The following BRINP2 variants were observed in gnomAD, a reference collection of about 807,000 sequenced individuals.
The protein encoded by BRINP2 is BMP/retinoic acid inducible neural specific 2.
In BRINP2, 21 loss-of-function variants were observed where a neutral mutation model predicts 69.2. The ratio of observed to expected loss-of-function variants is 0.30; its 90% CI spans 0.22 to 0.44. The LOEUF is 0.44. Among genes scored for constraint, BRINP2 ranks in the 20% least tolerant of loss-of-function variants. BRINP2 has a pLI of 1.00. For synonymous variants in BRINP2, 380 were observed against 394.1 expected (o/e 0.96, Z 0.42); for missense variants, 877 against 986.0 (o/e 0.89, Z 1.48).
chr1:177,235,099 T>G (rs1161306928), intron 2 of BRINP2, among the ~76,000 whole-genome samples: 1 of 152,172 alleles, frequency 6.6e-6, no homozygotes, highest in African/African-American at 2.4e-5. Context: ...ATGCTCAAAG[T>G]GCAGTCTTTG....
intron 1 of BRINP2, among the ~76,000 whole-genome samples, chr1:177,175,271 AGACCATGGAAAAGCG>A (rs1648054510): frequency 6.7e-6 from 1 of 148,528 alleles, no homozygotes; most frequent in African/African-American, 2.6e-5. Context: ...ACTAAGGAGG[AGACCATGGAAAAGCG>A]GGGTGGGGGG....
intron 1 of BRINP2, among the ~76,000 whole-genome samples, chr1:177,201,482 T>C (rs1052642105): frequency 6.6e-6 from 1 of 152,222 alleles, no homozygotes; most frequent in Non-Finnish European, 1.5e-5. Context: ...GCCTTGTACT[T>C]TTTGTCAGCC....
At chr1:177,187,169 C>A (rs1178931418) in intron 1 of BRINP2, among the ~76,000 whole-genome samples, 1 of 152,188 alleles carries the variant, frequency 6.6e-6, no homozygotes, top group African/African-American at 2.4e-5. Flanking sequence ...GCCTTTTCCC[C>A]TTCTACCCCA....
intron 1 of BRINP2, among the ~76,000 whole-genome samples, chr1:177,197,283 C>T (rs1648774316): frequency 6.6e-6 from 1 of 152,086 alleles, no homozygotes; most frequent in East Asian, 1.9e-4. Flanking sequence ...AGGTGCTACA[C>T]ACTTTTAAAC....
At chr1:177,247,261 C>T (rs1327799716) in intron 2 of BRINP2, among the ~76,000 whole-genome samples, 1 of 152,160 alleles carries the variant, frequency 6.6e-6, no homozygotes, top group Non-Finnish European at 1.5e-5. Flanking sequence ...CTCAGTGGTA[C>T]TTATTGATTT....
intron 1 of BRINP2, among the ~76,000 whole-genome samples, chr1:177,173,736 C>G (rs1005503343): frequency 1.3e-5 from 2 of 152,182 alleles, no homozygotes; most frequent in Non-Finnish European, 2.9e-5. Context: ...CTCCTGATCC[C>G]CTTTCCCAAG....
intron 4 of BRINP2, among the ~76,000 whole-genome samples, chr1:177,271,974 C>A (rs1337567873): frequency 6.6e-6 from 1 of 152,112 alleles, no homozygotes; most frequent in South Asian, 2.1e-4. Flanking sequence ...TTTTTTAAAC[C>A]TAGGTCTACT....
Position 177,280,913 on chromosome 1 carries a change from C to CAGCA in BRINP2, c.1738_1741dup (p.Thr581LysfsTer20). Reference sequence around the variant, plus strand: ...CCTTGCAGATCTGTCTCACCAAGAACAGCACCCTGGAGCCTGTCATGGCCA... The same window carrying CAGCA: ...CCTTGCAGATCTGTCTCACCAAGAACAGCAAGCACCCTGGAGCCTGTCATGGCCA... On this transcript the variant is annotated frameshift_variant, in exon 8 of 8. Coordinates refer to ENST00000361539, the MANE Select transcript of BRINP2 (RefSeq NM_021165.4). LOFTEE classifies it high-confidence loss of function. 6.2e-7 allele frequency: 1 copy of CAGCA among 1,614,210 alleles called. No homozygotes were observed. Among genetic ancestry groups the CAGCA allele is most frequent in the Non-Finnish European group, 8.5e-7 (1 of 1,180,042 alleles).
intron 1 of BRINP2, among the ~76,000 whole-genome samples, chr1:177,186,351 A>G (rs994212174): frequency 1.3e-5 from 2 of 152,164 alleles, no homozygotes; most frequent in Admixed American, 6.5e-5. Context: ...AGGAGGATAG[A>G]CTAATGATAA....
intron 1 of BRINP2, among the ~76,000 whole-genome samples, chr1:177,229,047 C>A (rs1405172527): frequency 1.4e-4 from 21 of 152,156 alleles, no homozygotes; most frequent in Admixed American, 1.4e-3. Context: ...TCTCAAGCTG[C>A]ATGGTGAGGT....
chr1:177,172,892 G>A (rs1647978290), intron 1 of BRINP2, among the ~76,000 whole-genome samples: 1 of 152,232 alleles, frequency 6.6e-6, no homozygotes, highest in Non-Finnish European at 1.5e-5. Flanking sequence ...AGACCAATCA[G>A]AGGGATAAAA....
intron 1 of BRINP2, among the ~76,000 whole-genome samples, chr1:177,214,695 AATC>A (rs1167816113): frequency 3.3e-5 from 5 of 152,206 alleles, no homozygotes; most frequent in African/African-American, 9.6e-5. Context: ...GCTAAATGAG[AATC>A]ATCAGCAAAC....
At chr1:177,175,655 C>T (rs1009080433) in intron 1 of BRINP2, among the ~76,000 whole-genome samples, 1 of 152,340 alleles carries the variant, frequency 6.6e-6, no homozygotes, top group African/African-American at 2.4e-5. Flanking sequence ...CCTAAAGTCA[C>T]TCCATAATTG....
chr1:177,182,165 T>C (rs1011374831), intron 1 of BRINP2, among the ~76,000 whole-genome samples: 2 of 109,596 alleles, frequency 1.8e-5, no homozygotes, highest in Non-Finnish European at 3.6e-5. Flanking sequence ...CATCCTCCCT[T>C]AGCTCCCTCA....
intron 1 of BRINP2, among the ~76,000 whole-genome samples, chr1:177,185,198 C>T (rs986466748): frequency 1.3e-5 from 2 of 152,086 alleles, no homozygotes; most frequent in Non-Finnish European, 1.5e-5. Flanking sequence ...TCCTTTCCAC[C>T]CATCCCCTCA....
At chr1:177,187,598 A>G (rs1259542850) in intron 1 of BRINP2, among the ~76,000 whole-genome samples, 2 of 152,186 alleles carry the variant, frequency 1.3e-5, no homozygotes, top group African/African-American at 4.8e-5. Context: ...GCTTGCAAGG[A>G]GGAAGAGAAG....
chr1:177,274,156 A>G (rs1344596506), intron 5 of BRINP2, among the ~76,000 whole-genome samples: 1 of 152,174 alleles, frequency 6.6e-6, no homozygotes, highest in Non-Finnish European at 1.5e-5. Flanking sequence ...GAGAAGAATA[A>G]GACTTTTGAT....
intron 1 of BRINP2, among the ~76,000 whole-genome samples, chr1:177,211,629 T>C (rs192306048): frequency 1.1e-3 from 171 of 152,342 alleles, no homozygotes; most frequent in Non-Finnish European, 1.6e-3. Context: ...ATTCAAGTTA[T>C]GGCTTTTTGG....
At chr1:177,228,312 G>A (rs989536) in intron 1 of BRINP2, among the ~76,000 whole-genome samples, 28,140 of 152,126 alleles carry the variant, frequency 0.18, 3,037 homozygotes, top group Non-Finnish European at 0.24. Flanking sequence ...GAATGGTGAG[G>A]CACGGATCTC....
Sources: allele counts gnomAD v4.1 joint callset (sites outside exome capture counted in the v4.1 genomes callset), GRCh38; gene constraint gnomAD v4.1.1; transcripts MANE v1.5; gene names NCBI Gene and HGNC (gene_info 2026-07-23, HGNC 2026-07-21).